WSCD2: variants seen among roughly 807,000 people sequenced by gnomAD.
The protein encoded by WSCD2 is sialate:O-sulfotransferase 2.
WSCD2 carries 28 observed loss-of-function variants against 55.7 expected under a neutral mutation model. That is an observed-to-expected ratio of 0.50 (90% CI 0.37 to 0.69). WSCD2 has a LOEUF of 0.69. Ranked by LOEUF, WSCD2 falls within the 30% of genes least tolerant of loss-of-function variation. The probability of loss-of-function intolerance (pLI) is 0.00; values close to 1 mark genes in which losing one functional copy is unlikely to be tolerated. For missense variants in WSCD2, 616 were observed against 762.1 expected, an observed-to-expected ratio of 0.81 and a Z score of 2.26; for synonymous variants, 301 against 301.9, an observed-to-expected ratio of 1.00 and a Z score of 0.03.
intron 1 of WSCD2, among the ~76,000 whole-genome samples, chr12:108,156,933 C>T (rs965281721): frequency 1.3e-5 from 2 of 152,218 alleles, no homozygotes; most frequent in African/African-American, 2.4e-5. Flanking sequence ...CGTGTCTAGA[C>T]GCTTTCCTCA....
chr12:108,148,014 T>C (rs972476158), intron 1 of WSCD2, among the ~76,000 whole-genome samples: 1 of 152,204 alleles, frequency 6.6e-6, no homozygotes, highest in African/African-American at 2.4e-5. Flanking sequence ...ATAACTCTTA[T>C]CACCTTCAAA....
chr12:108,170,305 C>G (rs771465276), intron 1 of WSCD2, among the ~76,000 whole-genome samples: 6 of 152,118 alleles, frequency 3.9e-5, no homozygotes, highest in Non-Finnish European at 5.9e-5. Context: ...CACACACACA[C>G]AGAGAAACGG....
intron 3 of WSCD2, among the ~76,000 whole-genome samples, chr12:108,207,536 T>G (rs1885561341): frequency 8.1e-6 from 1 of 123,526 alleles, no homozygotes; most frequent in Admixed American, 7.6e-5. Context: ...TGCCTGGCTT[T>G]TTTTTTTTTT....
At chr12:108,157,216 AC>A (rs1878609778) in intron 1 of WSCD2, among the ~76,000 whole-genome samples, 4 of 152,236 alleles carry the variant, frequency 2.6e-5, no homozygotes, top group Non-Finnish European at 5.9e-5. Flanking sequence ...GTAGCAAAGT[AC>A]AGAGAGTTCC....
intron 1 of WSCD2, among the ~76,000 whole-genome samples, chr12:108,164,139 C>CTTTTTTTTTTTTTTTTTTTTTTTT (rs1555224800): frequency 2.3e-5 from 2 of 85,310 alleles, no homozygotes; most frequent in Non-Finnish European, 2.2e-5. Context: ...ATCTTAAATC[C>CTTTTTTTTTTTTTTTTTTTTTTTT]TTTTTTTTTT....
At chr12:108,223,255 C>T (rs893672085) in intron 4 of WSCD2, among the ~76,000 whole-genome samples, 2 of 152,198 alleles carry the variant, frequency 1.3e-5, no homozygotes, top group African/African-American at 2.4e-5. Flanking sequence ...TAAGTTGACA[C>T]ATAAAATTTA....
intron 1 of WSCD2, among the ~76,000 whole-genome samples, chr12:108,170,849 A>G (rs1880167568): frequency 6.6e-6 from 1 of 152,188 alleles, no homozygotes; most frequent in Non-Finnish European, 1.5e-5. Flanking sequence ...GCTCAAAGCT[A>G]GTCATGAGAT....
At chr12:108,225,691 C>G (rs544615124) in intron 5 of WSCD2, among the ~76,000 whole-genome samples, 2 of 152,252 alleles carry the variant, frequency 1.3e-5, no homozygotes, top group African/African-American at 4.8e-5. Context: ...GTTTATGTTT[C>G]CTCCCTAGCC....
chr12:108,159,410 A>G (rs1878844748), intron 1 of WSCD2, among the ~76,000 whole-genome samples: 1 of 152,226 alleles, frequency 6.6e-6, no homozygotes, highest in Admixed American at 6.5e-5. Flanking sequence ...TACCCATTCT[A>G]CAGATGAGAG....
At chr12:108,224,447 G>A (rs1215354712) in intron 4 of WSCD2, among the ~76,000 whole-genome samples, 1 of 152,188 alleles carries the variant, frequency 6.6e-6, no homozygotes, top group African/African-American at 2.4e-5. Context: ...ATGGGAATCT[G>A]ACAAAGAAAG....
At chr12:108,173,127 T>C (rs1669251224) in intron 1 of WSCD2, among the ~76,000 whole-genome samples, 1 of 152,118 alleles carries the variant, frequency 6.6e-6, no homozygotes, top group Non-Finnish European at 1.5e-5. Context: ...AAATGTGTGT[T>C]GTTTAAGCCC....
In WSCD2 at chr12:108,248,079, G is replaced by T. The variant is rs200611217; in HGVS notation, c.1434G>T (p.Val478=). ...AGTTTGGCAAGAAGGTGCTGGTGGT[G>T]CACTTTGAGGACCTGAAGCAGGACC... ...WLKFGKKVLV[V]HFEDLKQDLF... is the part of the protein sequence containing the mutation. Residue 478 remains valine (V), a synonymous_variant, in exon 9 of 9, where the codon GTG becomes GTT. Transcript: ENST00000547525. This position sits in a 1 kb window ranked among gnomAD's most constrained non-coding sequence, Gnocchi z 4.3. 6.3e-5 allele frequency: 102 copies of T among 1,614,100 alleles called. No homozygotes were observed. The highest frequency in any genetic ancestry group is 8.5e-5 in the Non-Finnish European group (100 of 1,180,050).
chr12:108,206,241 C>G (rs1410000240), intron 2 of WSCD2, 48 bp from the exon 3 acceptor site: 1 of 1,532,672 alleles, frequency 6.5e-7, no homozygotes, highest in Non-Finnish European at 9.0e-7. Flanking sequence ...TCCTGTAACC[C>G]TTGCAGCTTT....
At chr12:108,242,122 C>T (rs2137236211) in intron 8 of WSCD2, among the ~76,000 whole-genome samples, 1 of 152,334 alleles carries the variant, frequency 6.6e-6, no homozygotes, top group Non-Finnish European at 1.5e-5. Context: ...ACTCCAGCCC[C>T]TCCCCAGAGA....
At chr12:108,211,259 C>A (rs1315270867) in intron 4 of WSCD2, among the ~76,000 whole-genome samples, 1 of 152,202 alleles carries the variant, frequency 6.6e-6, no homozygotes, top group East Asian at 1.9e-4. Flanking sequence ...GGTTACCCCT[C>A]CCACACAGTC....
At chr12:108,161,932 T>C (rs1351537661) in intron 1 of WSCD2, among the ~76,000 whole-genome samples, 1 of 152,164 alleles carries the variant, frequency 6.6e-6, no homozygotes, top group East Asian at 1.9e-4. Flanking sequence ...ACCCCTCACA[T>C]GCAGATTTTA....
intron 8 of WSCD2, chr12:108,244,567 C>T (rs1208832634): frequency 1.4e-6 from 1 of 702,864 alleles, no homozygotes; most frequent in Non-Finnish European, 2.6e-6. Flanking sequence ...TCGATTTGCA[C>T]AGCATCTGTA....
At chr12:108,244,813 G>T (rs1889972517) in intron 8 of WSCD2, among the ~76,000 whole-genome samples, 2 of 152,064 alleles carry the variant, frequency 1.3e-5, no homozygotes, top group Non-Finnish European at 1.5e-5. Flanking sequence ...TGAAAAGAGG[G>T]CAGGAGCTGA....
intron 1 of WSCD2, among the ~76,000 whole-genome samples, chr12:108,145,018 A>G (rs1428834515): frequency 2.0e-5 from 3 of 152,186 alleles, no homozygotes; most frequent in African/African-American, 7.2e-5. Flanking sequence ...GGCTGCATCC[A>G]TGAGCACCAA....
Sources: allele counts gnomAD v4.1 joint callset (sites outside exome capture counted in the v4.1 genomes callset), GRCh38; gene constraint gnomAD v4.1.1; non-coding constraint Gnocchi (gnomAD v3.1); transcripts MANE v1.5; gene names NCBI Gene and HGNC (gene_info 2026-07-23, HGNC 2026-07-21).